UBR1: variants seen among roughly 807,000 people sequenced by gnomAD.
UBR1 encodes ubiquitin protein ligase E3 component n-recognin 1.
UBR1 carries 102 observed loss-of-function variants against 242.1 expected under a neutral mutation model. That is an observed-to-expected ratio of 0.42 (90% CI 0.36 to 0.50). The LOEUF (loss-of-function observed/expected upper bound fraction) is 0.50, where lower values mean the gene tolerates loss of function less well. Among genes scored for constraint, UBR1 ranks in the 20% least tolerant of loss-of-function variants. The pLI, the probability that UBR1 is intolerant of heterozygous loss-of-function variation, is 0.01. For synonymous variants in UBR1, 675 were observed against 684.8 expected (o/e 0.99, Z 0.22); for missense variants, 1,772 against 2,101.8 (o/e 0.84, Z 3.07).
At chr15:43,077,319 C>T (rs1044940684) in intron 3 of UBR1, among the ~76,000 whole-genome samples, 90 of 151,806 alleles carry the variant, frequency 5.9e-4, no homozygotes, top group African/African-American at 2.1e-3. Flanking sequence ...AAAAATTCTT[C>T]TGCCTTGGGA....
intron 46 of UBR1, among the ~76,000 whole-genome samples, chr15:42,949,320 C>A (rs1192603917): frequency 6.7e-6 from 1 of 150,218 alleles, no homozygotes; most frequent in African/African-American, 2.4e-5. Context: ...TGGAGATATA[C>A]CTAATGCTAA....
rs2032318023 is a variant in UBR1 at position 42,978,099 on chromosome 15, T to C, written c.4151-152A>G. The C allele has an allele frequency of 7.4e-6, 5 of 675,892 alleles. No homozygotes were observed. In the East Asian group the frequency reaches 8.3e-5, roughly 11 times the overall value. The allele number at this position is 675,892 out of a possible 1,614,324, so 41.9% of individuals were successfully genotyped here. On this transcript the variant is annotated intron_variant, in intron 37 of 46. Transcript: ENST00000290650. ...CACCTTTGAGATATGAAAACCATAA[T>C]GAGAGACAAACTGAACTGAGAAAAG...
At chr15:43,065,245 T>C (rs972879737) in intron 6 of UBR1, among the ~76,000 whole-genome samples, 5 of 152,218 alleles carry the variant, frequency 3.3e-5, no homozygotes, top group Non-Finnish European at 7.3e-5. Flanking sequence ...ACTTTCTTTT[T>C]CTTCTATTAT....
chr15:42,988,572 G>A (rs568191119), intron 35 of UBR1: 34 of 473,556 alleles, frequency 7.2e-5, no homozygotes, highest in Admixed American at 1.0e-4. Context: ...ATAATCCACC[G>A]TGCCCAGCTT....
In UBR1 at chr15:42,976,776, T is replaced by A. The variant is rs1313701761; in HGVS notation, c.4310A>T (p.Tyr1437Phe). 6.2e-7 allele frequency: 1 copy of A among 1,613,852 alleles called. No homozygotes were observed. The highest frequency in any genetic ancestry group is 8.5e-7 in the Non-Finnish European group (1 of 1,180,008). Residue 1437 changes from tyrosine (Y) to phenylalanine (F), a missense_variant, in exon 39 of 47, where the codon TAT becomes TTT. Physicochemically the swap from Tyr to Phe is conservative, Grantham distance 22. Coordinates refer to ENST00000290650, the MANE Select transcript of UBR1 (RefSeq NM_174916.3). ...TGCCATGGTGATCAAATGGAAGAGATAAAGGTGGTTATAGGAAGAACTAAC... is the reference window on the plus strand; with the variant it reads ...TGCCATGGTGATCAAATGGAAGAGAAAAAGGTGGTTATAGGAAGAACTAAC... ...SSVSSSYNHLYLFHLITMAHM... is the reference protein window; with the variant it reads ...SSVSSSYNHLFLFHLITMAHM...
chr15:43,093,881 A>G (rs765825464), intron 1 of UBR1, among the ~76,000 whole-genome samples: 41 of 152,122 alleles, frequency 2.7e-4, no homozygotes, highest in Admixed American at 1.3e-3. Context: ...ACTGAAATAA[A>G]CCAATATAAT....
intron 42 of UBR1, 29 bp from the exon 43 acceptor site, chr15:42,960,730 ATGGATTAT>A: frequency 6.2e-7 from 1 of 1,608,900 alleles, no homozygotes; most frequent in Non-Finnish European, 8.5e-7. Context: ...GAAAAGACAA[ATGGATTAT>A]CACAGCTTCA....
intron 20 of UBR1, among the ~76,000 whole-genome samples, chr15:43,030,886 T>C (rs1425251540): frequency 6.6e-6 from 1 of 152,242 alleles, no homozygotes; most frequent in African/African-American, 2.4e-5. Flanking sequence ...GACTTTTTGT[T>C]AAGTGAATTC....
intron 40 of UBR1, among the ~76,000 whole-genome samples, chr15:42,967,962 G>C (rs895865670): frequency 2.7e-5 from 4 of 150,488 alleles, no homozygotes; most frequent in African/African-American, 7.3e-5. Context: ...TATATATGTA[G>C]TATGTACTGT....
chr15:42,995,018 T>G (rs575123039), intron 33 of UBR1, among the ~76,000 whole-genome samples: 1 of 152,216 alleles, frequency 6.6e-6, no homozygotes, highest in Non-Finnish European at 1.5e-5. Context: ...AGTATTTTCT[T>G]CCCTTAAAAA....
intron 44 of UBR1, among the ~76,000 whole-genome samples, chr15:42,954,750 G>A (rs1271244419): frequency 1.3e-5 from 2 of 152,014 alleles, no homozygotes; most frequent in Non-Finnish European, 2.9e-5. Flanking sequence ...TGTATTTTTA[G>A]TAGAGATAGC....
chr15:43,003,735 GAAGA>G, intron 31 of UBR1, 98 bp downstream of exon 31: 2 of 1,050,698 alleles, frequency 1.9e-6, no homozygotes. Flanking sequence ...ATTCAAATAA[GAAGA>G]AAGGAAAGAA....
chr15:43,045,309 A>T (rs2033470797), intron 14 of UBR1, among the ~76,000 whole-genome samples: 1 of 152,034 alleles, frequency 6.6e-6, no homozygotes, highest in Admixed American at 6.6e-5. Context: ...AAAATAAAAA[A>T]ATTAAAAATT....
intron 30 of UBR1, among the ~76,000 whole-genome samples, chr15:43,006,594 T>C (rs925577368): frequency 4.6e-5 from 7 of 152,206 alleles, no homozygotes; most frequent in Non-Finnish European, 1.0e-4. Context: ...TTTAAAATAA[T>C]AATGATGCTA....
chr15:43,023,598 C>CAAAA (rs35071600), intron 25 of UBR1, among the ~76,000 whole-genome samples: 4 of 39,952 alleles, frequency 1.0e-4, no homozygotes, highest in African/African-American at 2.5e-4. Flanking sequence ...AACTCCATCT[C>CAAAA]AAAAAAAAAA....
At chr15:43,009,895 A>G (rs1022160454) in intron 29 of UBR1, among the ~76,000 whole-genome samples, 1 of 152,116 alleles carries the variant, frequency 6.6e-6, no homozygotes, top group Admixed American at 6.6e-5. Context: ...TGTTTGAGAC[A>G]GAGTCTTGCA....
rs1391585614 is a variant in UBR1, at chr15:43,060,130, A to G, written c.799-16T>C. On this transcript the variant is annotated splice_polypyrimidine_tract_variant and intron_variant, in intron 6 of 46. Transcript: ENST00000290650. ...CCCGACGACCCTAATTATAGACAAAAGTGAGAATTAGGTAGTGAAATGATA... is the reference window on the plus strand; with the variant it reads ...CCCGACGACCCTAATTATAGACAAAGGTGAGAATTAGGTAGTGAAATGATA... The G allele has an allele frequency of 2.5e-6, 4 of 1,612,448 alleles. No individual in the cohort carries two copies. The South Asian group carries it at 4.4e-5, about 18-fold the overall frequency.
At chr15:43,040,253 T>C (rs1299268749) in intron 15 of UBR1, among the ~76,000 whole-genome samples, 3 of 152,044 alleles carry the variant, frequency 2.0e-5, no homozygotes, top group South Asian at 4.2e-4. Context: ...AAAACAGAGA[T>C]ATAGACCAAT....
rs1170800647 is a variant in UBR1 at position 43,024,709 on chromosome 15, A to G, written c.2739+120T>C. On this transcript the variant is annotated intron_variant, in intron 25 of 46. Transcript: ENST00000290650. ...TTGTGCTGTGTGTAAGCTATTTTTA[A>G]TGACCCCTATGTTTCCGGTGCTCTA... 20 of 1,394,492 alleles carry G rather than the reference A, an allele frequency of 1.4e-5. No homozygotes were observed. In the South Asian group the frequency reaches 2.0e-4, roughly 14 times the overall value. 86.4% of individuals were successfully genotyped at this position (1,394,492 alleles called of 1,614,324 possible).
Sources: gnomAD v4.1 joint callset for allele counts (sites outside exome capture counted in the v4.1 genomes callset) on GRCh38, gnomAD v4.1.1 for gene constraint, MANE v1.5 for transcripts, NCBI Gene and HGNC (gene_info 2026-07-23, HGNC 2026-07-21) for gene names.